DNAH7: variants seen among roughly 807,000 people sequenced by gnomAD.
DNAH7 encodes axonemal beta dynein heavy chain 7.
DNAH7 carries 397 observed loss-of-function variants against 444.6 expected under a neutral mutation model. That is an observed-to-expected ratio of 0.89 (90% CI 0.82 to 0.97). DNAH7 has a LOEUF of 0.97. DNAH7 is among the 50% of genes least tolerant of loss of function. The pLI, the probability that DNAH7 is intolerant of heterozygous loss-of-function variation, is 0.00. For missense variants in DNAH7, 4,902 were observed against 4,800.8 expected (o/e 1.02, Z -0.62); for synonymous variants, 1,636 against 1,624.4 (o/e 1.01, Z -0.17).
At position 195,897,729 on chromosome 2, in the gene DNAH7, G is replaced by C. The variant is rs745312985; in HGVS notation, c.4585C>G (p.Leu1529Val). Residue 1529 changes from leucine to valine, a missense_variant, in exon 29 of 65, where the codon CTT becomes GTT. Transcript: ENST00000312428. ...AGATTTACATCAATGATAGATCTAA[G>C]CAGCAAAATTTCTTCATTTTCATTT... ...YPNENEEILL[L>V]RSIIDVNLPK... The C allele has an allele frequency of 1.9e-6, 3 of 1,578,320 alleles. No individual in the cohort carries two copies. The Admixed American group carries it at 5.3e-5, about 28-fold the overall frequency.
At chr2:195,741,017 G>A (rs959030401) in intron 63 of DNAH7, 148 bp from the exon 64 acceptor site, 1 of 345,564 alleles carries the variant, frequency 2.9e-6, no homozygotes, top group Admixed American at 4.7e-5. Context: ...AATCTCCTGA[G>A]TGTTTTAACA....
intron 9 of DNAH7, among the ~76,000 whole-genome samples, chr2:196,016,611 A>C (rs61679218): frequency 0.03 from 4,607 of 152,314 alleles, 228 homozygotes; most frequent in African/African-American, 0.1. Flanking sequence ...AGTATGTAGA[A>C]GGTCAGAATA....
intron 49 of DNAH7, among the ~76,000 whole-genome samples, chr2:195,819,355 A>G (rs1055313627): frequency 3.9e-5 from 6 of 152,162 alleles, no homozygotes; most frequent in Non-Finnish European, 8.8e-5. Context: ...CTCTTATTTG[A>G]CTTCATGGTT....
chr2:195,746,200 A>G lies in DNAH7; in HGVS notation c.11765-5331T>C, dbSNP rs796126489. ...AAAAAAAGGCAGGGGTTGCAATCCT[A>G]GTCTCTGATAAAACAGACTTTAAAC... On this transcript the variant is annotated intron_variant, in intron 63 of 64. Coordinates refer to ENST00000312428, the MANE Select transcript of DNAH7 (RefSeq NM_018897.3). Among the ~76,000 whole-genome samples the G allele has an allele frequency of 2.9e-5, 4 of 139,766 alleles. No homozygotes were observed. In the East Asian group the frequency reaches 8.6e-4, roughly 30 times the overall value. The allele number at this position is 139,766 out of a possible 152,430, so 91.7% of individuals were successfully genotyped here.
chr2:195,910,689 C>A (rs981069743), intron 24 of DNAH7, among the ~76,000 whole-genome samples: 5 of 151,978 alleles, frequency 3.3e-5, no homozygotes, highest in East Asian at 1.9e-4. Context: ...AGAAAATAAA[C>A]CCTCAGAAGT....
chr2:195,798,736 C>T (rs1032512776), intron 55 of DNAH7, among the ~76,000 whole-genome samples: 48 of 151,556 alleles, frequency 3.2e-4, no homozygotes, highest in Admixed American at 2.0e-4. Flanking sequence ...TTAGTAGAGA[C>T]GGGGTTTCAC....
At chr2:196,039,835 TA>T (rs1696632779) in intron 5 of DNAH7, among the ~76,000 whole-genome samples, 2 of 151,110 alleles carry the variant, frequency 1.3e-5, no homozygotes, top group African/African-American at 4.8e-5. Context: ...TTTAGTTTTT[TA>T]AAAAGATAAA....
At chr2:195,754,574 T>G (rs913862048) in intron 62 of DNAH7, 60 bp from the exon 63 acceptor site, 6 of 1,521,416 alleles carry the variant, frequency 3.9e-6, no homozygotes, top group Admixed American at 4.0e-5. Flanking sequence ...TTTCTTTTTT[T>G]TTGAGACAGG....
At chr2:195,825,330 A>C (rs1397976061) in intron 48 of DNAH7, among the ~76,000 whole-genome samples, 2 of 152,068 alleles carry the variant, frequency 1.3e-5, no homozygotes, top group Admixed American at 6.5e-5. Flanking sequence ...ATAAATTGTT[A>C]TCTCTCTAGT....
intron 19 of DNAH7, among the ~76,000 whole-genome samples, chr2:195,945,508 G>C (rs186060738): frequency 1.2e-3 from 188 of 152,290 alleles, no homozygotes; most frequent in Admixed American, 8.2e-3. Flanking sequence ...ATGACAGAAA[G>C]CTGGTCACTT....
chr2:195,743,795 C>T (rs1296984159), intron 63 of DNAH7, among the ~76,000 whole-genome samples: 4 of 55,132 alleles, frequency 7.3e-5, no homozygotes, highest in South Asian at 1.9e-3. Context: ...ATTGGTGAAA[C>T]GTATATTGTG....
At chr2:196,036,309 C>G (rs984826000) in intron 5 of DNAH7, among the ~76,000 whole-genome samples, 1 of 152,158 alleles carries the variant, frequency 6.6e-6, no homozygotes, top group South Asian at 2.1e-4. Context: ...TCTGAGATTA[C>G]AGGCATGAGC....
intron 36 of DNAH7, among the ~76,000 whole-genome samples, chr2:195,880,301 G>A (rs1022081820): frequency 1.3e-5 from 2 of 150,508 alleles, no homozygotes; most frequent in Admixed American, 6.6e-5. Flanking sequence ...CTATAAAAAC[G>A]TTCATTGCAA....
At chr2:195,964,053 GTTTTGTTCT>G (rs1691295214) in intron 17 of DNAH7, among the ~76,000 whole-genome samples, 1 of 152,120 alleles carries the variant, frequency 6.6e-6, no homozygotes, top group African/African-American at 2.4e-5. Context: ...GATTCCACCA[GTTTTGTTCT>G]TTTTGTTCAA....
chr2:195,793,413 C>G (rs1695984349), intron 57 of DNAH7, among the ~76,000 whole-genome samples: 1 of 152,074 alleles, frequency 6.6e-6, no homozygotes, highest in Admixed American at 6.6e-5. Context: ...CTGGAGAGAC[C>G]TTTTGATCTA....
At chr2:195,861,991 T>C in intron 41 of DNAH7, 45 bp from the exon 42 acceptor site, 1 of 1,458,896 alleles carries the variant, frequency 6.9e-7, no homozygotes, top group Non-Finnish European at 9.6e-7. Flanking sequence ...AGATTACGAA[T>C]CTGGATCTGC....
At chr2:195,758,380 CTGTT>C (rs1694185601) in intron 61 of DNAH7, among the ~76,000 whole-genome samples, 1 of 152,272 alleles carries the variant, frequency 6.6e-6, no homozygotes, top group Admixed American at 6.5e-5. Context: ...CTTCTTGTAT[CTGTT>C]TGGTAACATA....
intron 9 of DNAH7, among the ~76,000 whole-genome samples, chr2:196,013,345 A>G (rs549352918): frequency 3.3e-5 from 5 of 151,962 alleles, no homozygotes; most frequent in South Asian, 4.1e-4. Context: ...AAGAACCAGT[A>G]TATCAAACTC....
intron 57 of DNAH7, 46 bp downstream of exon 57, chr2:195,794,292 G>A (rs772094292): frequency 6.3e-7 from 1 of 1,591,758 alleles, no homozygotes; most frequent in Non-Finnish European, 8.6e-7. Flanking sequence ...GGGGCCACTT[G>A]AAGTGCTTTA....
Sources: allele counts gnomAD v4.1 joint callset (sites outside exome capture counted in the v4.1 genomes callset), GRCh38; gene constraint gnomAD v4.1.1; transcripts MANE v1.5; gene names NCBI Gene and HGNC (gene_info 2026-07-23, HGNC 2026-07-21).